MED13: variants seen among roughly 807,000 people sequenced by gnomAD.
MED13 encodes the protein mediator complex subunit 13, also known as mediator of RNA polymerase II transcription subunit 13.
Under a neutral mutation model 225.2 loss-of-function variants are expected in MED13, and 23 were observed. The ratio of observed to expected loss-of-function variants is 0.10; its 90% confidence interval spans 0.07 to 0.14. MED13 has a LOEUF of 0.14. Among genes scored for constraint, MED13 ranks in the 10% least tolerant of loss-of-function variants. MED13 has a pLI of 1.00. For missense variants in MED13, 2,197 were observed against 2,594.5 expected, an observed-to-expected ratio of 0.85 and a Z score of 3.33; for synonymous variants, 942 against 889.2, an observed-to-expected ratio of 1.06 and a Z score of -1.06.
chr17:62,002,228 T>C (rs2080401552), intron 9 of MED13, among the ~76,000 whole-genome samples: 2 of 151,974 alleles, frequency 1.3e-5, no homozygotes, highest in Non-Finnish European at 2.9e-5. Context: ...GGTGGCTCAC[T>C]CCTGTAATCC....
At position 61,945,552 on chromosome 17, in the gene MED13, T is replaced by TA; in HGVS notation, c.*915dup. ...TGGCCTGAAATATTAGTCATAGCCC[T>TA]AAACCATAGTACAAAATATAACTGA... On this transcript the variant is annotated 3_prime_UTR_variant, in exon 30 of 30. Transcript: ENST00000397786. 6.5e-6 allele frequency: 1 copy of TA among 152,774 alleles called. No individual in the cohort carries two copies. The highest frequency in any genetic ancestry group is 2.4e-5 in the African/African-American group (1 of 41,578). The allele number at this position is 152,774 out of a possible 1,614,324, so 9.5% of individuals were successfully genotyped here.
chr17:61,947,173 T>C (rs538440909), intron 28 of MED13, among the ~76,000 whole-genome samples, 156 bp from the exon 29 acceptor site: 6 of 152,228 alleles, frequency 3.9e-5, no homozygotes, highest in African/African-American at 1.4e-4. Context: ...TGTTCTCTTT[T>C]AACTAATTCA....
chr17:62,039,265 T>C (rs1443509852), intron 3 of MED13, among the ~76,000 whole-genome samples: 1 of 152,208 alleles, frequency 6.6e-6, no homozygotes, highest in Non-Finnish European at 1.5e-5. Flanking sequence ...CAAGTTTGTA[T>C]GTGATACTGG....
intron 8 of MED13, 79 bp from the exon 9 acceptor site, chr17:62,011,312 CA>C: frequency 7.4e-6 from 9 of 1,211,626 alleles, no homozygotes; most frequent in South Asian, 5.3e-5. Context: ...TAGTATTAGA[CA>C]CTTCGGTTAT....
intron 9 of MED13, chr17:62,007,303 C>T (rs1336150492): frequency 6.6e-6 from 1 of 151,844 alleles, no homozygotes; most frequent in South Asian, 2.1e-4. Context: ...AAGAACAAGA[C>T]CAAAATAAAG....
chr17:62,000,125 A>G (rs953438072), intron 9 of MED13, among the ~76,000 whole-genome samples: 6 of 152,166 alleles, frequency 3.9e-5, no homozygotes, highest in Admixed American at 1.3e-4. Context: ...ACCCACTACT[A>G]TGGAAGGACA....
intron 2 of MED13, among the ~76,000 whole-genome samples, chr17:62,056,084 T>TATAATTTC (rs1484707700): frequency 1.3e-5 from 2 of 152,204 alleles, no homozygotes; most frequent in Non-Finnish European, 2.9e-5. Flanking sequence ...ACTAAAGTAA[T>TATAATTTC]ATAATTTCAT....
At chr17:62,019,991 G>A (rs532822585) in intron 8 of MED13, among the ~76,000 whole-genome samples, 35 of 152,114 alleles carry the variant, frequency 2.3e-4, no homozygotes, top group South Asian at 6.2e-4. Flanking sequence ...TGATCCGCCC[G>A]CCTCGGCCTC....
chr17:61,984,151 T>C lies in MED13; in HGVS notation c.2888+20A>G, dbSNP rs746371149. ...AGCTGTATAAGCAGTCACATACTAT[T>C]GTAACAACATAAATCATACCCCTCT... On this transcript the variant is annotated intron_variant, in intron 15 of 29. Coordinates refer to ENST00000397786, the MANE Select transcript of MED13 (RefSeq NM_005121.3). The C allele has an allele frequency of 3.2e-5, 48 of 1,482,496 alleles. No homozygotes were observed. Among genetic ancestry groups the C allele is most frequent in the Non-Finnish European group, 4.3e-5 (48 of 1,115,940 alleles). 91.8% of individuals were successfully genotyped at this position (1,482,496 alleles called of 1,614,324 possible).
intron 2 of MED13, among the ~76,000 whole-genome samples, chr17:62,053,466 A>T (rs891810259): frequency 6.6e-6 from 1 of 152,216 alleles, no homozygotes; most frequent in Non-Finnish European, 1.5e-5. Context: ...AAACATTAAC[A>T]CAGTCATTTT....
intron 3 of MED13, among the ~76,000 whole-genome samples, chr17:62,036,202 T>C (rs1053289150): frequency 2.0e-5 from 3 of 152,034 alleles, no homozygotes; most frequent in Admixed American, 2.0e-4. Context: ...CCCCTCTATA[T>C]AAGAAACTAT....
intron 22 of MED13, 126 bp from the exon 23 acceptor site, chr17:61,961,216 ACT>A: frequency 1.1e-6 from 1 of 882,454 alleles, no homozygotes; most frequent in South Asian, 1.8e-5. Context: ...CAAAAATTGC[ACT>A]TAGTTTTGCA....
chr17:62,060,048 T>C (rs949527677), intron 2 of MED13, among the ~76,000 whole-genome samples: 14 of 152,130 alleles, frequency 9.2e-5, no homozygotes, highest in Non-Finnish European at 1.9e-4. Context: ...TCCTAGCACT[T>C]TGGGAGGCCG....
At chr17:61,981,698 T>G (rs1791875894) in intron 16 of MED13, among the ~76,000 whole-genome samples, 1 of 152,234 alleles carries the variant, frequency 6.6e-6, no homozygotes, top group Admixed American at 6.5e-5. Flanking sequence ...TCTAAAATAG[T>G]ACATATGTGG....
chr17:62,062,209 T>C (rs531575212), intron 2 of MED13, among the ~76,000 whole-genome samples: 1 of 152,336 alleles, frequency 6.6e-6, no homozygotes, highest in East Asian at 1.9e-4. Flanking sequence ...CTGAAGTCTT[T>C]GGAACCTTAT....
chr17:62,045,795 G>A (rs188687245), intron 3 of MED13, among the ~76,000 whole-genome samples: 35 of 152,200 alleles, frequency 2.3e-4, no homozygotes, highest in Non-Finnish European at 4.0e-4. Context: ...TGTTCCTGTG[G>A]TTACTCTTAC....
chr17:62,045,963 AAAG>A (rs1428213460), intron 3 of MED13, among the ~76,000 whole-genome samples: 6 of 152,332 alleles, frequency 3.9e-5, no homozygotes, highest in African/African-American at 1.2e-4. Flanking sequence ...AAGAAAGGAA[AAAG>A]AAGATAAAAA....
rs1321702671 is a variant in MED13, at chr17:61,983,048, C to A, written c.2955G>T (p.Gly985=). The change falls in exon 16 of 30, where the codon GGG becomes GGT. Residue 985 remains glycine (G), a synonymous_variant. Coordinates refer to ENST00000397786, the MANE Select transcript of MED13 (RefSeq NM_005121.3). ...TAGGAGGTGCACTGCTAGGAGGCAT[C>A]CCAAAAGAAGTATGAGTTTGAGGTG... ...AYTPQTHTSF[G]MPPSSAPPSN... is the part of the protein sequence containing the mutation. 6.2e-7 allele frequency: 1 copy of A among 1,613,652 alleles called. No individual in the cohort carries two copies. The highest frequency in any genetic ancestry group is 8.5e-7 in the Non-Finnish European group (1 of 1,179,794).
chr17:62,030,280 G>A (rs956988248), intron 6 of MED13: 12 of 316,454 alleles, frequency 3.8e-5, no homozygotes, highest in Admixed American at 4.5e-5. Context: ...GTGGCGTGTC[G>A]GGGGAGGTGG....
Sources: allele counts gnomAD v4.1 joint callset (sites outside exome capture counted in the v4.1 genomes callset), GRCh38; gene constraint gnomAD v4.1.1; transcripts MANE v1.5; gene names NCBI Gene and HGNC (gene_info 2026-07-23, HGNC 2026-07-21).